The following ZNF423 variants were observed in gnomAD, a reference collection of about 807,000 sequenced individuals.
ZNF423 encodes Ebf-associated zinc finger protein.
Under a neutral mutation model 95.8 loss-of-function variants are expected in ZNF423, and 12 were observed. The observed-to-expected ratio is 0.13, with a 90% confidence interval of 0.08 to 0.20. The LOEUF is 0.20. ZNF423 is among the 10% of genes least tolerant of loss of function. The pLI is 1.00. For synonymous variants in ZNF423, 749 were observed against 711.9 expected, an observed-to-expected ratio of 1.05 and a Z score of -0.83; for missense variants, 1,316 against 1,737.1, an observed-to-expected ratio of 0.76 and a Z score of 4.31.
chr16:49,730,333 G>A lies in ZNF423; in HGVS notation c.301+438C>T, dbSNP rs185112539. 3.3e-3 allele frequency among the ~76,000 whole-genome samples: 509 copies of A among 152,226 alleles called. 1 individual carries two copies. Among genetic ancestry groups the A allele is most frequent in the African/African-American group, 0.011 (448 of 41,514 alleles). The stretch of plus-strand genomic sequence containing the variant: ...AGTTGGAAACAGGTCCCTTTTTCAC[G>A]GGCTGTCCTTGGCCTTTGAAATTTC... On this transcript the variant is annotated intron_variant, in intron 3 of 7. Transcript: ENST00000563137.
rs1208480215 is a variant in ZNF423, at chr16:49,637,560, G to A, written c.1616C>T (p.Ser539Phe). The A allele has an allele frequency of 2.5e-6, 4 of 1,613,964 alleles. No homozygotes were observed. The highest frequency in any genetic ancestry group is 3.4e-6 in the Non-Finnish European group (4 of 1,180,034). The change falls in exon 4 of 8, where the codon TCC (serine) becomes TTC (phenylalanine). Residue 539 changes from serine to phenylalanine, a missense_variant. By Grantham distance (155) the Ser-to-Phe change is radical (BLOSUM62 -2). This residue lies in a region of ZNF423 where 399 missense variants were observed against 478.5 expected (regional missense o/e 0.83). Coordinates refer to ENST00000563137, the MANE Select transcript of ZNF423 (RefSeq NM_001379286.1). This position sits in a 1 kb window ranked among gnomAD's most constrained non-coding sequence, Gnocchi z 5.6. ...GGCCTGCTGGATGTGCTCGGTGAGGGAGGACTCAGTAAGGAAACCCATGGA... is the reference window on the plus strand; with the variant it reads ...GGCCTGCTGGATGTGCTCGGTGAGGAAGGACTCAGTAAGGAAACCCATGGA... ...QCSMGFLTES[S>F]LTEHIQQAHC...
intron 3 of ZNF423, among the ~76,000 whole-genome samples, chr16:49,705,844 G>A (rs1362135729): frequency 9.2e-5 from 14 of 152,196 alleles, no homozygotes; most frequent in Admixed American, 4.6e-4. Context: ...CACTGCGCCC[G>A]GCCCCACAGT....
chr16:49,771,442 T>C (rs1418913128), intron 2 of ZNF423, among the ~76,000 whole-genome samples: 1 of 152,142 alleles, frequency 6.6e-6, no homozygotes, highest in South Asian at 2.1e-4. Context: ...TGACCTCAAG[T>C]GATCCTCCTG....
intron 3 of ZNF423, among the ~76,000 whole-genome samples, chr16:49,704,301 T>G (rs1043895286): frequency 6.6e-6 from 1 of 152,116 alleles, no homozygotes; most frequent in African/African-American, 2.4e-5. Flanking sequence ...CCACTAAGCA[T>G]GCCACACCTA....
chr16:49,528,657 G>C (rs532022998), intron 5 of ZNF423, among the ~76,000 whole-genome samples: 4 of 152,310 alleles, frequency 2.6e-5, no homozygotes, highest in Admixed American at 2.6e-4. Context: ...CTTTTGATTT[G>C]CAAATCTTTC....
At chr16:49,495,308 G>A (rs1967119151) in intron 7 of ZNF423, among the ~76,000 whole-genome samples, 1 of 152,218 alleles carries the variant, frequency 6.6e-6, no homozygotes, top group African/African-American at 2.4e-5. Flanking sequence ...CACGGGGCCA[G>A]GGACACAAGA....
chr16:49,795,397 C>T (rs1032195950), intron 1 of ZNF423, among the ~76,000 whole-genome samples: 1 of 152,194 alleles, frequency 6.6e-6, no homozygotes, highest in Non-Finnish European at 1.5e-5. Context: ...ACACTTGCCC[C>T]GGCCTTGAGC....
rs374668788 is a variant in ZNF423 at position 49,618,020 on chromosome 16, C to T, written c.3601+8150G>A. Among the ~76,000 whole-genome samples the T allele has an allele frequency of 1.4e-3, 216 of 152,374 alleles. 3 individuals carry two copies. In the South Asian group the frequency reaches 0.042, roughly 30 times the overall value. On this transcript the variant is annotated intron_variant, in intron 5 of 7. Coordinates refer to ENST00000563137, the MANE Select transcript of ZNF423 (RefSeq NM_001379286.1). ...ATGCCGCTGGATCCTCTTCCCCAGA[C>T]AGGGCCCTGCTGGCCCTCAGATCTC...
intron 3 of ZNF423, among the ~76,000 whole-genome samples, chr16:49,674,549 C>G (rs1478435869): frequency 1.3e-5 from 2 of 152,176 alleles, no homozygotes; most frequent in Non-Finnish European, 2.9e-5. Context: ...CAGTGTGGCC[C>G]AGAGTCCACC....
At chr16:49,760,957 C>T (rs2033820480) in intron 2 of ZNF423, among the ~76,000 whole-genome samples, 1 of 151,540 alleles carries the variant, frequency 6.6e-6, no homozygotes. Context: ...CGCATACATG[C>T]ATGCACATGA....
intron 1 of ZNF423, among the ~76,000 whole-genome samples, chr16:49,830,413 C>A (rs1426947715): frequency 1.3e-5 from 2 of 152,290 alleles, no homozygotes; most frequent in South Asian, 2.1e-4. Context: ...TGCTCCCCAG[C>A]AGCCTTTCCC....
At chr16:49,835,555 C>T (rs570074308) in intron 1 of ZNF423, among the ~76,000 whole-genome samples, 95 of 152,302 alleles carry the variant, frequency 6.2e-4, no homozygotes, top group African/African-American at 2.2e-3. Context: ...CAGTCTGCTC[C>T]GGGGAGATGC....
intron 5 of ZNF423, among the ~76,000 whole-genome samples, chr16:49,552,414 G>GTGAGAAGA (rs1969674572): frequency 1.3e-5 from 2 of 152,162 alleles, no homozygotes; most frequent in African/African-American, 4.8e-5. Flanking sequence ...AATTTTCCTG[G>GTGAGAAGA]TGAGAAGACA....
At chr16:49,724,868 C>T (rs556255755) in intron 3 of ZNF423, among the ~76,000 whole-genome samples, 1 of 152,302 alleles carries the variant, frequency 6.6e-6, no homozygotes, top group South Asian at 2.1e-4. Flanking sequence ...CAAAATTAAC[C>T]CACCAGGAAC....
chr16:49,709,457 A>T (rs938208762), intron 3 of ZNF423, among the ~76,000 whole-genome samples: 9 of 152,086 alleles, frequency 5.9e-5, no homozygotes, highest in Admixed American at 1.3e-4. Flanking sequence ...CACGCCAGGT[A>T]CGATGCCAGC....
At chr16:49,628,984 A>G (rs910540467) in intron 4 of ZNF423, among the ~76,000 whole-genome samples, 16 of 152,168 alleles carry the variant, frequency 1.1e-4, no homozygotes, top group Admixed American at 9.8e-4. Flanking sequence ...AGTTTTTTGA[A>G]GACCACTTTG....
At chr16:49,793,156 T>C (rs954854966) in intron 1 of ZNF423, among the ~76,000 whole-genome samples, 5 of 151,906 alleles carry the variant, frequency 3.3e-5, no homozygotes, top group Non-Finnish European at 1.5e-5. Flanking sequence ...GTGTGAGGTT[T>C]TTTTCTCCCC....
chr16:49,740,848 G>T lies in ZNF423; in HGVS notation c.101-9877C>A, dbSNP rs955789550. On this transcript the variant is annotated intron_variant, in intron 2 of 7. Coordinates refer to ENST00000563137, the MANE Select transcript of ZNF423 (RefSeq NM_001379286.1). Reference sequence around the variant, plus strand: ...CCAGAGAACGTATCTTCAGTTGTCAGCAAGTCTAGAACCTAAAGGACTAGC... The same window carrying T: ...CCAGAGAACGTATCTTCAGTTGTCATCAAGTCTAGAACCTAAAGGACTAGC... Among the ~76,000 whole-genome samples, 6 of 152,330 alleles carry T rather than the reference G, an allele frequency of 3.9e-5. No homozygotes were observed. In the South Asian group the frequency reaches 1.2e-3, roughly 32 times the overall value.
In ZNF423 at chr16:49,544,881, A is replaced by T. The variant is rs529176906; in HGVS notation, c.3602-19387T>A. Among the ~76,000 whole-genome samples, 5 of 152,362 alleles carry T rather than the reference A, an allele frequency of 3.3e-5. No individual in the cohort carries two copies. The South Asian group carries it at 1.0e-3, about 32-fold the overall frequency. On this transcript the variant is annotated intron_variant, in intron 5 of 7. Transcript: ENST00000563137. Reference sequence around the variant, plus strand: ...TGAGCGCCCAAGCGCAGGGTGCAGCATTGGGTGCTGGTGATGTGCAGCAGA... The same window carrying T: ...TGAGCGCCCAAGCGCAGGGTGCAGCTTTGGGTGCTGGTGATGTGCAGCAGA...
Sources: gnomAD v4.1 joint callset for allele counts (sites outside exome capture counted in the v4.1 genomes callset) on GRCh38, gnomAD v4.1.1 for gene constraint, gnomAD v4.1.1 regional missense constraint, Gnocchi (gnomAD v3.1) non-coding constraint, MANE v1.5 for transcripts, NCBI Gene and HGNC (gene_info 2026-07-23, HGNC 2026-07-21) for gene names.